CHL1: variants seen among roughly 807,000 people sequenced by gnomAD.
CHL1 encodes the protein neural cell adhesion molecule L1-like protein.
Under a neutral mutation model 141.9 loss-of-function variants are expected in CHL1, and 96 were observed. The ratio of observed to expected loss-of-function variants is 0.68; its 90% CI spans 0.57 to 0.80. CHL1 has a LOEUF of 0.80. CHL1 is among the 30% of genes least tolerant of loss of function. The pLI is 0.00. For missense variants in CHL1, 1,820 were observed against 1,457.2 expected (o/e 1.25, Z -4.05); for synonymous variants, 613 against 502.2 (o/e 1.22, Z -2.95).
At chr3:278,449 C>T (rs773755296) in intron 2 of CHL1, among the ~76,000 whole-genome samples, 1 of 152,144 alleles carries the variant, frequency 6.6e-6, no homozygotes, top group Non-Finnish European at 1.5e-5. Context: ...ATCTTGCATG[C>T]GATCCCAGGG....
intron 1 of CHL1, among the ~76,000 whole-genome samples, chr3:222,700 G>C (rs902688683): frequency 6.6e-6 from 1 of 152,110 alleles, no homozygotes; most frequent in East Asian, 1.9e-4. Flanking sequence ...CTCCTGTCTT[G>C]AAATAGATAA....
chr3:392,229 CAT>C (rs1394738165), intron 23 of CHL1, among the ~76,000 whole-genome samples: 1 of 152,196 alleles, frequency 6.6e-6, no homozygotes, highest in African/African-American at 2.4e-5. Context: ...AAGTAGGAAA[CAT>C]GTGAAAGAGT....
chr3:393,468 C>T (rs560687342), intron 23 of CHL1, among the ~76,000 whole-genome samples: 1 of 152,076 alleles, frequency 6.6e-6, no homozygotes, highest in African/African-American at 2.4e-5. Flanking sequence ...CCGTATGTGA[C>T]ATTTACGTTT....
intron 24 of CHL1, 53 bp downstream of exon 24, chr3:394,925 C>A: frequency 7.1e-7 from 1 of 1,408,216 alleles, no homozygotes; most frequent in South Asian, 1.4e-5. Flanking sequence ...GAGACTGCAT[C>A]TTTTTAAACA....
intron 2 of CHL1, among the ~76,000 whole-genome samples, chr3:301,192 A>T (rs1172170161): frequency 2.6e-5 from 4 of 152,188 alleles, no homozygotes; most frequent in African/African-American, 7.2e-5. Context: ...GAGTGTCTAC[A>T]TTAGGAGGGA....
At chr3:297,806 C>A (rs1698334941) in intron 2 of CHL1, among the ~76,000 whole-genome samples, 1 of 152,186 alleles carries the variant, frequency 6.6e-6, no homozygotes, top group Non-Finnish European at 1.5e-5. Context: ...ATTGAAAAAA[C>A]AGACCCTTGG....
intron 2 of CHL1, among the ~76,000 whole-genome samples, chr3:288,584 C>T (rs1044591719): frequency 6.6e-6 from 1 of 152,140 alleles, no homozygotes; most frequent in African/African-American, 2.4e-5. Flanking sequence ...GTTTCACACA[C>T]GTTGTTTGTC....
chr3:261,062 A>C (rs1387426509), intron 2 of CHL1, among the ~76,000 whole-genome samples: 2 of 152,152 alleles, frequency 1.3e-5, no homozygotes, highest in South Asian at 2.1e-4. Context: ...CCTTATAATA[A>C]CATCACTAGT....
chr3:322,672 T>TATATATATATATATATATATATATATAAA (rs1220334388), intron 3 of CHL1, among the ~76,000 whole-genome samples: 1 of 127,870 alleles, frequency 7.8e-6, no homozygotes, highest in Non-Finnish European at 1.6e-5. Flanking sequence ...ATATATATAA[T>TATATATATATATATATATATATATATAAA]TATATATATA....
chr3:231,403 T>A (rs1701837451), intron 1 of CHL1, among the ~76,000 whole-genome samples: 1 of 152,088 alleles, frequency 6.6e-6, no homozygotes, highest in South Asian at 2.1e-4. Flanking sequence ...ATATGTACAA[T>A]TTCCTAGAGA....
chr3:381,155 C>A (rs1030508847), intron 16 of CHL1, among the ~76,000 whole-genome samples: 1 of 152,094 alleles, frequency 6.6e-6, no homozygotes, highest in Admixed American at 6.6e-5. Flanking sequence ...TGTCCCTGGT[C>A]AAGGATAACC....
At chr3:197,669 A>C (rs1190050476) in intron 1 of CHL1, 1 of 359,818 alleles carries the variant, frequency 2.8e-6, no homozygotes, top group Non-Finnish European at 5.5e-6. Context: ...TGGAGCGGGG[A>C]ATCCATGGAC....
chr3:319,754 G>T lies in CHL1; in HGVS notation c.-23G>T, dbSNP rs200423114. The T allele has an allele frequency of 6.7e-7, 1 of 1,491,604 alleles. No individual in the cohort carries two copies. Among genetic ancestry groups the T allele is most frequent in the Non-Finnish European group, 9.3e-7 (1 of 1,072,816 alleles). The allele number at this position is 1,491,604 out of a possible 1,614,324, so 92.4% of individuals were successfully genotyped here. ...GACATTAAGATTTTCATTCTTACCG[G>T]GTTGTCTTCTTCCTGAAGAGCAATG... is the stretch of plus-strand genomic sequence containing the variant. On this transcript the variant is annotated 5_prime_UTR_variant, in exon 3 of 28. Transcript: ENST00000256509.
At chr3:201,777 C>T (rs1285628957) in intron 1 of CHL1, among the ~76,000 whole-genome samples, 1 of 152,084 alleles carries the variant, frequency 6.6e-6, no homozygotes, top group Non-Finnish European at 1.5e-5. Flanking sequence ...AACATTCTCC[C>T]TTCTAATGTT....
At chr3:398,781 G>C (rs9833406) in intron 25 of CHL1, among the ~76,000 whole-genome samples, 143,371 of 152,238 alleles carry the variant, frequency 0.94, 68,115 homozygotes, top group East Asian at 1. Flanking sequence ...ATCCTTCTTT[G>C]GTTTTTCATC....
Position 371,322 on chromosome 3 carries a change from A to T in CHL1, c.1751+5207A>T, listed in dbSNP as rs148085088. The stretch of plus-strand genomic sequence containing the variant: ...GATGCATATATATTTAGAATAGTTA[A>T]CTCTTCTGGTTGAATTGTTCCCTTT... On this transcript the variant is annotated intron_variant, in intron 15 of 27. Coordinates refer to ENST00000256509, the MANE Select transcript of CHL1 (RefSeq NM_006614.4). Among the ~76,000 whole-genome samples the T allele has an allele frequency of 5.9e-5, 9 of 151,742 alleles. No homozygotes were observed. In the East Asian group the frequency reaches 1.7e-3, roughly 29 times the overall value.
At chr3:226,018 G>A (rs9823133) in intron 1 of CHL1, among the ~76,000 whole-genome samples, 150,258 of 150,628 alleles carry the variant, frequency 1, 74,944 homozygotes, top group Middle Eastern at 1. Context: ...AAAAAAAAGA[G>A]ACACGTTAAT....
chr3:313,393 A>G (rs1291509914), intron 2 of CHL1, among the ~76,000 whole-genome samples: 1 of 152,188 alleles, frequency 6.6e-6, no homozygotes, highest in African/African-American at 2.4e-5. Flanking sequence ...ATCAGATTCT[A>G]TTTCCCTCTA....
At chr3:316,728 T>C (rs1459192734) in intron 2 of CHL1, among the ~76,000 whole-genome samples, 1 of 151,942 alleles carries the variant, frequency 6.6e-6, no homozygotes, top group Non-Finnish European at 1.5e-5. Context: ...TTCCACATTG[T>C]ATGCCTGTAT....
Sources: gnomAD v4.1 joint callset for allele counts (sites outside exome capture counted in the v4.1 genomes callset) on GRCh38, gnomAD v4.1.1 for gene constraint, MANE v1.5 for transcripts, NCBI Gene and HGNC (gene_info 2026-07-23, HGNC 2026-07-21) for gene names.